Variants in NDUFA5 observed in about 807,000 individuals in gnomAD.
NDUFA5 encodes the protein NADH dehydrogenase [ubiquinone] 1 alpha subcomplex subunit 5.
NDUFA5 carries 11 observed loss-of-function variants against 19.8 expected under a neutral mutation model. The observed-to-expected ratio is 0.56, with a 90% CI of 0.35 to 0.92. The LOEUF (loss-of-function observed/expected upper bound fraction) is 0.92, where lower values mean the gene tolerates loss of function less well. Among genes scored for constraint, NDUFA5 ranks in the 40% least tolerant of loss-of-function variants. The probability of loss-of-function intolerance (pLI) is 0.01; values close to 1 mark genes in which losing one functional copy is unlikely to be tolerated. For missense variants in NDUFA5, 109 were observed against 134.2 expected, an observed-to-expected ratio of 0.81 and a Z score of 0.93; for synonymous variants, 47 against 46.8, an observed-to-expected ratio of 1.00 and a Z score of -0.01.
chr7:123,581,310 A>G, the NDUFA5 span, among the ~76,000 whole-genome samples: 11 of 151,756 alleles, frequency 7.2e-5, no homozygotes, highest in African/African-American at 2.4e-4. Context: ...GTCTATCATC[A>G]GTAATTAATT....
At chr7:123,558,051 T>C, upstream of NDUFA5, 1 of 605,698 alleles carries the variant, frequency 1.7e-6, no homozygotes, top group Non-Finnish European at 2.9e-6. Context: ...TCTGTTCCTG[T>C]TCCTGCCACT....
At chr7:123,584,741 A>G in the NDUFA5 span, 2 of 152,018 alleles carry the variant, frequency 1.3e-5, no homozygotes, top group Non-Finnish European at 2.9e-5. Context: ...CTATTCACGA[A>G]GAAATAAAAA....
the NDUFA5 span, among the ~76,000 whole-genome samples, chr7:123,576,039 T>C: frequency 6.6e-6 from 1 of 151,366 alleles, no homozygotes; most frequent in Non-Finnish European, 1.5e-5. Context: ...TTGTTGGATT[T>C]TACTTGACTG....
chr7:123,585,528 T>C, the NDUFA5 span, among the ~76,000 whole-genome samples: 2 of 151,866 alleles, frequency 1.3e-5, no homozygotes, highest in African/African-American at 4.8e-5. Context: ...AAATAAAACG[T>C]GTATATACAT....
the NDUFA5 span, among the ~76,000 whole-genome samples, chr7:123,579,021 G>A: frequency 6.6e-6 from 1 of 152,048 alleles, no homozygotes; most frequent in Non-Finnish European, 1.5e-5. Flanking sequence ...AGTGATTGTA[G>A]TACTAATAGG....
At chr7:123,588,679 AT>A in the NDUFA5 span, among the ~76,000 whole-genome samples, 176 of 126,502 alleles carry the variant, frequency 1.4e-3, no homozygotes, top group African/African-American at 4.7e-3. Flanking sequence ...TTTATTTGGG[AT>A]TTTTTTTTTC....
chr7:123,576,257 T>C, the NDUFA5 span, among the ~76,000 whole-genome samples: 1 of 151,922 alleles, frequency 6.6e-6, no homozygotes, highest in Non-Finnish European at 1.5e-5. Flanking sequence ...TTTAATTTGA[T>C]CTTCCTCTAT....
intron 1 of NDUFA5, 134 bp downstream of exon 1, chr7:123,557,641 G>T (rs745349906): frequency 6.2e-7 from 1 of 1,613,634 alleles, no homozygotes; most frequent in Admixed American, 1.7e-5. Flanking sequence ...TACCCGGTAA[G>T]GCATGCAGAA....
chr7:123,544,403 C>T (rs544310823), intron 4 of NDUFA5, among the ~76,000 whole-genome samples: 48 of 149,342 alleles, frequency 3.2e-4, no homozygotes, highest in African/African-American at 1.2e-3. Flanking sequence ...GAGGCTGAGG[C>T]AGGAGAATTG....
the NDUFA5 span, among the ~76,000 whole-genome samples, chr7:123,582,032 T>A: frequency 1.3e-5 from 2 of 152,024 alleles, no homozygotes; most frequent in Non-Finnish European, 2.9e-5. Context: ...ATAGAGAACA[T>A]CTTTTATTAA....
intron 4 of NDUFA5, 60 bp from the exon 5 acceptor site, chr7:123,542,280 G>T: frequency 8.0e-7 from 1 of 1,252,254 alleles, no homozygotes; most frequent in South Asian, 1.3e-5. Flanking sequence ...ATATTTATCA[G>T]AACAACTGAA....
chr7:123,570,306 G>A, the NDUFA5 span, among the ~76,000 whole-genome samples: 2 of 151,994 alleles, frequency 1.3e-5, no homozygotes, highest in African/African-American at 2.4e-5. Context: ...AAAGTGCTGG[G>A]ATTACAGGCG....
upstream of NDUFA5, among the ~76,000 whole-genome samples, chr7:123,558,535 G>T (rs1320067366): frequency 6.6e-6 from 1 of 152,170 alleles, no homozygotes; most frequent in Non-Finnish European, 1.5e-5. Context: ...TGTTCTAAAA[G>T]AAGTTGATGC....
At chr7:123,552,636 T>TAAAAAAA (rs774901648) in intron 2 of NDUFA5, among the ~76,000 whole-genome samples, 11 of 67,384 alleles carry the variant, frequency 1.6e-4, no homozygotes, top group East Asian at 8.9e-4. Context: ...AAAGTATAAC[T>TAAAAAAA]AAAAAAAAAA....
At chr7:123,553,166 C>T (rs974681106) in intron 2 of NDUFA5, among the ~76,000 whole-genome samples, 2 of 152,142 alleles carry the variant, frequency 1.3e-5, no homozygotes, top group Admixed American at 6.5e-5. Context: ...AAGGTACTAT[C>T]GAGTGTACTT....
At chr7:123,583,655 G>A in the NDUFA5 span, among the ~76,000 whole-genome samples, 13 of 151,802 alleles carry the variant, frequency 8.6e-5, no homozygotes, top group Non-Finnish European at 1.5e-4. Flanking sequence ...AGATTTTTTC[G>A]GAGAGAAGGC....
chr7:123,568,769 C>T, the NDUFA5 span, among the ~76,000 whole-genome samples: 32 of 151,858 alleles, frequency 2.1e-4, no homozygotes, highest in African/African-American at 5.8e-4. Context: ...TGAGAATATA[C>T]AAATCAACAA....
At chr7:123,593,172 T>C in the NDUFA5 span, among the ~76,000 whole-genome samples, 20 of 152,206 alleles carry the variant, frequency 1.3e-4, no homozygotes, top group Non-Finnish European at 2.5e-4. Flanking sequence ...TGTCTTTGCA[T>C]GTGAGATGGG....
intron 2 of NDUFA5, among the ~76,000 whole-genome samples, chr7:123,552,616 C>T (rs919077119): frequency 3.1e-5 from 4 of 131,026 alleles, no homozygotes; most frequent in African/African-American, 1.1e-4. Context: ...GCACATGTAC[C>T]CCAGAACTTA....
Sources: allele counts gnomAD v4.1 joint callset (sites outside exome capture counted in the v4.1 genomes callset), GRCh38; gene constraint gnomAD v4.1.1; transcripts MANE v1.5; gene names NCBI Gene and HGNC (gene_info 2026-07-23, HGNC 2026-07-21).